Variants in EVPL observed in about 807,000 individuals in gnomAD.
EVPL encodes envoplakin, also known as 210 kDa cornified envelope precursor protein.
In EVPL, 94 loss-of-function variants were observed where a neutral mutation model predicts 129.7. The observed-to-expected ratio is 0.72, with a 90% CI of 0.61 to 0.86. The LOEUF is 0.86. Ranked by LOEUF, EVPL falls within the 40% of genes least tolerant of loss-of-function variation. The pLI, the probability that EVPL is intolerant of heterozygous loss-of-function variation, is 0.00. For missense variants in EVPL, 2,625 were observed against 2,721.1 expected, an observed-to-expected ratio of 0.96 and a Z score of 0.79; for synonymous variants, 1,172 against 1,191.1, an observed-to-expected ratio of 0.98 and a Z score of 0.33.
In EVPL at chr17:76,023,659, G is replaced by A; in HGVS notation, c.199-5C>T. On this transcript the variant is annotated splice_polypyrimidine_tract_variant and splice_region_variant and intron_variant, in intron 2 of 21. Transcript: ENST00000301607. ...CTGCTCACTGTTCAGCCGGTCCTGT[G>A]GGCAGGAGATGGGCAGACTGGCCAG... 1 of 1,553,760 alleles carries A rather than the reference G, an allele frequency of 6.4e-7. No homozygotes were observed. Among genetic ancestry groups the A allele is most frequent in the South Asian group, 1.2e-5 (1 of 85,574 alleles).
At chr17:76,016,389 G>A (rs2066419280) in intron 14 of EVPL, among the ~76,000 whole-genome samples, 1 of 152,194 alleles carries the variant, frequency 6.6e-6, no homozygotes, top group Non-Finnish European at 1.5e-5. Flanking sequence ...CCATCACCGA[G>A]CAGTGCTGAC....
chr17:76,022,548 AGCCGGCG>A lies in EVPL; in HGVS notation c.481-17_481-11del. On this transcript the variant is annotated splice_polypyrimidine_tract_variant and intron_variant, in intron 4 of 21. Coordinates refer to ENST00000301607, the MANE Select transcript of EVPL (RefSeq NM_001988.4). This position sits in a 1 kb window ranked among gnomAD's most constrained non-coding sequence, Gnocchi z 5.6. ...CTGCGCAGACCTGCTTCTGCAGGAGAGCCGGCGGCTCAGTCCCCAAAGGACCGCGGTG... is the reference window on the plus strand; with the variant it reads ...CTGCGCAGACCTGCTTCTGCAGGAGAGCTCAGTCCCCAAAGGACCGCGGTG... The A allele has an allele frequency of 6.3e-7, 1 of 1,597,312 alleles. No homozygotes were observed. The highest frequency in any genetic ancestry group is 8.5e-7 in the Non-Finnish European group (1 of 1,173,014).
Position 76,008,200 on chromosome 17 carries a change from C to T in EVPL, c.5005G>A (p.Glu1669Lys), listed in dbSNP as rs746512801. 7.2e-5 allele frequency: 116 copies of T among 1,614,032 alleles called. 2 individuals carry two copies. The Admixed American group carries it at 1.5e-3, about 21-fold the overall frequency. Residue 1669 changes from glutamate (E) to lysine (K), a missense_variant, in exon 22 of 22, where the codon GAG (glutamate) becomes AAG (lysine). Glu to Lys is a moderately conservative substitution (Grantham distance 56). Around this residue, in one of 4 missense-constraint regions of EVPL, gnomAD observed 1,453 missense variants for 1,511.8 expected, o/e 0.96. Coordinates refer to ENST00000301607, the MANE Select transcript of EVPL (RefSeq NM_001988.4). The surrounding 1 kb of genome is among the most constrained non-coding windows in gnomAD (Gnocchi z 7.4). ...LRDLHAKVSREELSQETQTRE... is the reference protein window; with the variant it reads ...LRDLHAKVSRKELSQETQTRE... Reference sequence around the variant, plus strand: ...GTCTGGGTCTCCTGGCTGAGCTCCTCCCGGCTCACCTTGGCGTGGAGGTCC... The same window carrying T: ...GTCTGGGTCTCCTGGCTGAGCTCCTTCCGGCTCACCTTGGCGTGGAGGTCC...
chr17:76,011,395 G>A (rs2066375176), intron 21 of EVPL, 181 bp downstream of exon 21: 6 of 629,424 alleles, frequency 9.5e-6, no homozygotes, highest in South Asian at 1.8e-5. Context: ...CTGCTGGAGA[G>A]AAAACTGGGT....
At chr17:76,015,783 C>T (rs981592650) in intron 14 of EVPL, among the ~76,000 whole-genome samples, 155 bp from the exon 15 acceptor site, 9 of 152,192 alleles carry the variant, frequency 5.9e-5, no homozygotes, top group Non-Finnish European at 1.0e-4. Context: ...TGGCGCTACT[C>T]GTTCCTCTGT....
At chr17:76,012,461 A>ATTTTTTTTTTTTT (rs1567909873) in intron 18 of EVPL, among the ~76,000 whole-genome samples, 1 of 152,070 alleles carries the variant, frequency 6.6e-6, no homozygotes, top group African/African-American at 2.4e-5. Context: ...TGCCAGGCTA[A>ATTTTTTTTTTTTT]TTTTTATATT....
rs773585233 is a variant in EVPL at position 76,022,500 on chromosome 17, C to T, written c.519G>A (p.Ala173=). 3.7e-6 allele frequency: 6 copies of T among 1,611,488 alleles called. No individual in the cohort carries two copies. In the Admixed American group the frequency reaches 6.7e-5, roughly 18 times the overall value. The change falls in exon 5 of 22, where the codon GCG becomes GCA. Residue 173 remains alanine (A), a synonymous_variant. Coordinates refer to ENST00000301607, the MANE Select transcript of EVPL (RefSeq NM_001988.4). The surrounding 1 kb of genome is among the most constrained non-coding windows in gnomAD (Gnocchi z 5.6). The part of the protein sequence containing the change: ...VCAGQYGPGM[A]ELEQQIAEHN... Reference sequence around the variant, plus strand: ...GCTCGGCGATCTGTTGCTCCAGCTCCGCCATGCCCGGCCCGTACTGGCCTG... The same window carrying T: ...GCTCGGCGATCTGTTGCTCCAGCTCTGCCATGCCCGGCCCGTACTGGCCTG...
Position 76,010,314 on chromosome 17 carries a change from C to T in EVPL, c.2891G>A (p.Arg964Gln), listed in dbSNP as rs377436779. The change falls in exon 22 of 22, where the codon CGG (arginine) becomes CAG (glutamine). Residue 964 changes from arginine to glutamine, a missense_variant. By Grantham distance (43) the Arg-to-Gln change is conservative. Transcript: ENST00000301607. ...CAGGCTGCCCTCCAGCTGGGGGTCC[C>T]GGTAGAACTCTACCACTTCCTTCTC... The part of the protein sequence containing the change: ...LEEKEVVEFY[R>Q]DPQLEGSLSR... 30 of 1,613,780 alleles carry T rather than the reference C, an allele frequency of 1.9e-5. No individual in the cohort carries two copies. Among genetic ancestry groups the T allele is most frequent in the Non-Finnish European group, 2.5e-5 (30 of 1,180,028 alleles).
At chr17:76,016,302 C>A (rs1018915558) in intron 14 of EVPL, among the ~76,000 whole-genome samples, 1 of 152,218 alleles carries the variant, frequency 6.6e-6, no homozygotes, top group African/African-American at 2.4e-5. Context: ...CCCTGTCGCT[C>A]CAGCCAAAGC....
intron 11 of EVPL, 61 bp from the exon 12 acceptor site, chr17:76,018,661 C>T: frequency 6.6e-7 from 1 of 1,524,688 alleles, no homozygotes; most frequent in South Asian, 1.3e-5. Context: ...AAGGCCAGGG[C>T]AGAGTAGGGG....
At position 76,024,536 on chromosome 17, in the gene EVPL, G is replaced by T. The variant is rs1196127354; in HGVS notation, c.99-416C>A. ...GGGGTAGTTGGGCTGGCTGGGGCAG[G>T]GAGGCAGCAGCATGTCCCCCATCCC... On this transcript the variant is annotated intron_variant, in intron 1 of 21. Coordinates refer to ENST00000301607, the MANE Select transcript of EVPL (RefSeq NM_001988.4). The surrounding 1 kb of genome is among the most constrained non-coding windows in gnomAD (Gnocchi z 4.5). Among the ~76,000 whole-genome samples, 2 of 152,136 alleles carry T rather than the reference G, an allele frequency of 1.3e-5. No individual in the cohort carries two copies. The highest frequency in any genetic ancestry group is 2.9e-5 in the Non-Finnish European group (2 of 68,000).
chr17:76,021,395 G>A (rs1335396278), intron 9 of EVPL, 73 bp downstream of exon 9: 3 of 1,365,924 alleles, frequency 2.2e-6, no homozygotes, highest in Non-Finnish European at 2.0e-6. Context: ...TCTCCTGTGG[G>A]CAGGGGTGCT....
chr17:76,009,468 G>A lies in EVPL; in HGVS notation c.3737C>T (p.Pro1246Leu), dbSNP rs370996950. Residue 1246 changes from proline (P) to leucine (L), a missense_variant, in exon 22 of 22, where the codon CCC becomes CTC. Transcript: ENST00000301607. The surrounding 1 kb of genome is among the most constrained non-coding windows in gnomAD (Gnocchi z 5.9). Reference protein sequence around the residue: ...PDLEVLRAQKPTVEYKEVTQE... With the variant: ...PDLEVLRAQKLTVEYKEVTQE... ...GGTCACCTCCTTGTACTCCACCGTG[G>A]GCTTCTGGGCCCGCAGGACCTCCAG... 146 of 1,613,866 alleles carry A rather than the reference G, an allele frequency of 9.0e-5. No homozygotes were observed. The highest frequency in any genetic ancestry group is 1.2e-4 in the Non-Finnish European group (138 of 1,180,000).
intron 18 of EVPL, 109 bp from the exon 19 acceptor site, chr17:76,012,198 C>T: frequency 1.3e-6 from 1 of 749,450 alleles, no homozygotes; most frequent in Non-Finnish European, 2.2e-6. Flanking sequence ...CTCCCAGGGA[C>T]AAGAAAGGGC....
At position 76,027,280 on chromosome 17, in the gene EVPL, C is replaced by G. The variant is rs1442579577; in HGVS notation, c.-82G>C. ...GGGCAGGTGGGAGGCAGCGGGCGTC[C>G]TCACTGGCTGGTCAGCTAAGTCTGG... On this transcript the variant is annotated 5_prime_UTR_variant, in exon 1 of 22. Coordinates refer to ENST00000301607, the MANE Select transcript of EVPL (RefSeq NM_001988.4). The G allele has an allele frequency of 1.8e-5, 18 of 999,978 alleles. No homozygotes were observed. The highest frequency in any genetic ancestry group is 2.8e-5 in the Non-Finnish European group (18 of 633,310). 61.9% of individuals were successfully genotyped at this position (999,978 alleles called of 1,614,324 possible). A position where few individuals can be genotyped will look rare whatever the true frequency, so the allele number is the denominator to read the frequency against.
rs995395771 is a variant in EVPL, at chr17:76,013,847, G to A, written c.2373+579C>T. On this transcript the variant is annotated intron_variant, in intron 18 of 21. Coordinates refer to ENST00000301607, the MANE Select transcript of EVPL (RefSeq NM_001988.4). The surrounding 1 kb of genome is among the most constrained non-coding windows in gnomAD (Gnocchi z 4.3). Reference sequence around the variant, plus strand: ...CATCCCCTCCCCAGCAGCTTCTGGGGGCTGCAGGAGAGAGTGCAGCCTGGG... The same window carrying A: ...CATCCCCTCCCCAGCAGCTTCTGGGAGCTGCAGGAGAGAGTGCAGCCTGGG... Among the ~76,000 whole-genome samples, 1 of 152,146 alleles carries A rather than the reference G, an allele frequency of 6.6e-6. No homozygotes were observed. The highest frequency in any genetic ancestry group is 6.5e-5 in the Admixed American group (1 of 15,270).
rs1251089774 is a variant in EVPL, at chr17:76,018,472, G to T, written c.1413C>A (p.Asp471Glu). 2 of 1,612,476 alleles carry T rather than the reference G, an allele frequency of 1.2e-6. No homozygotes were observed. The highest frequency in any genetic ancestry group is 1.7e-6 in the Non-Finnish European group (2 of 1,179,706). ...PAACFCIPAP[D>E]PDAVARASRL... is the part of the protein sequence containing the mutation. ...GGGAGGCCCTGGCCACAGCATCAGG[G>T]TCTGGTGCTGGGATGCAGAAGCAGG... The change falls in exon 12 of 22, where the codon GAC becomes GAA. Residue 471 changes from aspartate to glutamate, a missense_variant. This residue lies in a region of EVPL where 1,024 missense variants were observed against 997.5 expected (regional missense o/e 1.03). Transcript: ENST00000301607.
At chr17:76,018,058 G>GA in intron 13 of EVPL, 103 bp downstream of exon 13, 1 of 1,529,556 alleles carries the variant, frequency 6.5e-7, no homozygotes, top group Admixed American at 2.0e-5. Flanking sequence ...CCAGAGTGAT[G>GA]GTCCCTAACC....
chr17:76,010,170 G>A lies in EVPL; in HGVS notation c.3035C>T (p.Pro1012Leu), dbSNP rs1191576080. 1.2e-6 allele frequency: 2 copies of A among 1,613,966 alleles called. No individual in the cohort carries two copies. Among genetic ancestry groups the A allele is most frequent in the Non-Finnish European group, 1.7e-6 (2 of 1,180,024 alleles). The change falls in exon 22 of 22, where the codon CCT becomes CTT. Residue 1012 changes from proline (P) to leucine (L), a missense_variant. By Grantham distance (98) the Pro-to-Leu change is moderately conservative (BLOSUM62 -3). Transcript: ENST00000301607. ...QLESKRKTMQ[P>L]HLLTKEVTQV... ...GGTGACCTCCTTGGTCAGCAGATGA[G>A]GCTGCATGGTCTTCCTCTTGCTTTC... is the stretch of plus-strand genomic sequence containing the variant.
Sources: allele counts gnomAD v4.1 joint callset (sites outside exome capture counted in the v4.1 genomes callset), GRCh38; gene constraint gnomAD v4.1.1; regional missense constraint gnomAD v4.1.1; non-coding constraint Gnocchi (gnomAD v3.1); transcripts MANE v1.5; gene names NCBI Gene and HGNC (gene_info 2026-07-23, HGNC 2026-07-21).